HDGFL2: variants seen among roughly 807,000 people sequenced by gnomAD.
The protein encoded by HDGFL2 is hepatoma-derived growth factor-related protein 2.
HDGFL2 carries 36 observed loss-of-function variants against 77.1 expected under a neutral mutation model. That is an observed-to-expected ratio of 0.47 (90% confidence interval 0.36 to 0.62). The LOEUF (loss-of-function observed/expected upper bound fraction) is 0.62, where lower values mean the gene tolerates loss of function less well. Ranked by LOEUF, HDGFL2 falls within the 20% of genes least tolerant of loss-of-function variation. The pLI is 0.00. For synonymous variants in HDGFL2, 463 were observed against 413.1 expected (o/e 1.12, Z -1.46); for missense variants, 976 against 973.4 (o/e 1.00, Z -0.04).
intron 9 of HDGFL2, among the ~76,000 whole-genome samples, chr19:4,495,424 AGGGAGGGGATCTACGAAGACTCCT>A (rs1384119563): frequency 2.0e-5 from 3 of 150,340 alleles, no homozygotes; most frequent in Non-Finnish European, 3.0e-5. Context: ...CTCCGAATGA[AGGGAGGGGATCTACGAAGACTCCT>A]GGGAGGGGAT....
rs768083352 is a variant in HDGFL2, at chr19:4,494,207, G to T, written c.956G>T (p.Arg319Leu). 4 of 1,474,342 alleles carry T rather than the reference G, an allele frequency of 2.7e-6. No individual in the cohort carries two copies. The highest frequency in any genetic ancestry group is 1.4e-5 in the African/African-American group (1 of 69,016). 91.3% of individuals were successfully genotyped at this position (1,474,342 alleles called of 1,614,324 possible). ...EVDRISEWKR[R>L]DEARRRELEA... ...GACCGCATCAGTGAGTGGAAGCGGC[G>T]GGACGAGGCGCGGAGGCGCGAGCTG... The change falls in exon 9 of 16, where the codon CGG (arginine) becomes CTG (leucine). Residue 319 changes from arginine to leucine, a missense_variant. Arg to Leu is a moderately radical substitution (Grantham distance 102). This residue lies in a region of HDGFL2 where 567 missense variants were observed against 534.7 expected (regional missense o/e 1.06). Transcript: ENST00000616600.
At chr19:4,483,576 C>T (rs1030549057) in intron 3 of HDGFL2, among the ~76,000 whole-genome samples, 14 of 152,098 alleles carry the variant, frequency 9.2e-5, no homozygotes, top group Non-Finnish European at 1.6e-4. Flanking sequence ...CCCTCTTGCC[C>T]GGCCGCAACA....
intron 13 of HDGFL2, 143 bp from the exon 14 acceptor site, chr19:4,499,348 A>AT: frequency 1.4e-6 from 1 of 698,806 alleles, no homozygotes; most frequent in Non-Finnish European, 2.3e-6. Flanking sequence ...TCTGTCTCAA[A>AT]AAAAAAAAAA....
At chr19:4,488,031 C>T (rs576541048) in intron 3 of HDGFL2, among the ~76,000 whole-genome samples, 3 of 151,878 alleles carry the variant, frequency 2.0e-5, no homozygotes, top group South Asian at 2.1e-4. Flanking sequence ...AGTGCAGTGG[C>T]GTGATCTCGG....
chr19:4,494,804 C>G (rs769583213), intron 9 of HDGFL2, among the ~76,000 whole-genome samples: 22 of 152,092 alleles, frequency 1.4e-4, no homozygotes, highest in Non-Finnish European at 2.1e-4. Context: ...TGTATAGTCC[C>G]GGCTGCTCAG....
intron 14 of HDGFL2, among the ~76,000 whole-genome samples, chr19:4,499,955 C>T (rs1388529125): frequency 3.3e-5 from 5 of 152,150 alleles, no homozygotes; most frequent in African/African-American, 7.2e-5. Flanking sequence ...AGAGGGGTGA[C>T]GGGGACAGTG....
chr19:4,498,028 A>G lies in HDGFL2; in HGVS notation c.1399A>G (p.Lys467Glu). 6.4e-7 allele frequency: 1 copy of G among 1,554,846 alleles called. No individual in the cohort carries two copies. The highest frequency in any genetic ancestry group is 8.7e-7 in the Non-Finnish European group (1 of 1,148,722). ...FSMDRKVEKK[K>E]EPSVEEKLQK... ...GATGGACAGGAAGGTAGAGAAGAAG[A>G]AAGGTGAGGCCTGGCTGCCCAGCAC... Residue 467 changes from lysine to glutamate, a missense_variant, in exon 11 of 16, where the codon AAA (lysine) becomes GAA (glutamate). Lys to Glu is a moderately conservative substitution (Grantham distance 56). Transcript: ENST00000616600.
intron 1 of HDGFL2, among the ~76,000 whole-genome samples, chr19:4,474,526 C>T (rs1027122910): frequency 6.6e-6 from 1 of 151,992 alleles, no homozygotes; most frequent in African/African-American, 2.4e-5. Context: ...CCCCTAGAAG[C>T]TGGAGACGTG....
Position 4,496,333 on chromosome 19 carries a change from C to T in HDGFL2, c.1256C>T (p.Ser419Leu), listed in dbSNP as rs1242580817. The stretch of plus-strand genomic sequence containing the variant: ...AAATCAGCGAAGAAGCCGCAGTCCT[C>T]AAGCACAGAGCCCGCCAGGAAACCT... ...AKKSAKKPQS[S>L]STEPARKPGQ... The change falls in exon 10 of 16, where the codon TCA (serine) becomes TTA (leucine). Residue 419 changes from serine to leucine, a missense_variant. Coordinates refer to ENST00000616600, the MANE Select transcript of HDGFL2 (RefSeq NM_001001520.3). 1.2e-6 allele frequency: 2 copies of T among 1,614,166 alleles called. No individual in the cohort carries two copies. The highest frequency in any genetic ancestry group is 1.3e-5 in the African/African-American group (1 of 75,058).
At chr19:4,475,138 T>C in intron 1 of HDGFL2, 137 bp from the exon 2 acceptor site, 1 of 686,882 alleles carries the variant, frequency 1.5e-6, no homozygotes, top group South Asian at 1.7e-5. Context: ...CAGCTTCCCA[T>C]CGGGAAGGGG....
intron 3 of HDGFL2, among the ~76,000 whole-genome samples, chr19:4,483,593 C>T (rs1452613228): frequency 1.3e-5 from 2 of 152,072 alleles, no homozygotes; most frequent in East Asian, 3.9e-4. Flanking sequence ...AACACCCGGT[C>T]ACAAACGTGG....
intron 12 of HDGFL2, 150 bp from the exon 13 acceptor site, chr19:4,498,664 G>A (rs750665134): frequency 2.9e-5 from 18 of 629,586 alleles, no homozygotes; most frequent in Admixed American, 2.8e-5. Flanking sequence ...GGAGTTCCCC[G>A]TCAACTGGAC....
intron 9 of HDGFL2, 89 bp from the exon 10 acceptor site, chr19:4,496,213 G>T: frequency 1.9e-6 from 2 of 1,065,668 alleles, no homozygotes; most frequent in South Asian, 1.3e-5. Context: ...AGAAAGGGTC[G>T]AGCTGCATCT....
At position 4,472,395 on chromosome 19, in the gene HDGFL2, GA is replaced by G; in HGVS notation, c.47del (p.Lys16ArgfsTer18). On this transcript the variant is annotated frameshift_variant, in exon 1 of 16. Coordinates refer to ENST00000616600, the MANE Select transcript of HDGFL2 (RefSeq NM_001001520.3). LOFTEE classifies it high-confidence loss of function. ...CCGGGGACTTGGTGTTCGCTAAGAT[GA>G]AGGGCTACCCTCACTGGCCTGCCAG... is the stretch of plus-strand genomic sequence containing the variant. ...KPGDLVFAKM[K>X]GYPHWPARID... 6.8e-7 allele frequency: 1 copy of G among 1,464,082 alleles called. No homozygotes were observed. The highest frequency in any genetic ancestry group is 9.1e-7 in the Non-Finnish European group (1 of 1,101,518). 90.7% of individuals were successfully genotyped at this position (1,464,082 alleles called of 1,614,324 possible). A position where few individuals can be genotyped will look rare whatever the true frequency, so the allele number is the denominator to read the frequency against.
chr19:4,499,330 G>A (rs7248940), intron 13 of HDGFL2, among the ~76,000 whole-genome samples, 161 bp from the exon 14 acceptor site: 119,880 of 150,242 alleles, frequency 0.8, 48,628 homozygotes, highest in East Asian at 0.91. Flanking sequence ...TGGGTGACAG[G>A]GCGAGACTCT....
Position 4,496,307 on chromosome 19 carries a change from G to T in HDGFL2, c.1230G>T (p.Lys410Asn). Residue 410 changes from lysine to asparagine, a missense_variant, in exon 10 of 16, where the codon AAG (lysine) becomes AAT (asparagine). Lys to Asn is a moderately conservative substitution (Grantham distance 94, BLOSUM62 0). This residue lies in a region of HDGFL2 where 567 missense variants were observed against 534.7 expected (regional missense o/e 1.06). Transcript: ENST00000616600. ...GCCCTTCCTGACTGCTATAGGCCAA[G>T]AAATCAGCGAAGAAGCCGCAGTCCT... ...EPEAELEREA[K>N]KSAKKPQSSS... The T allele has an allele frequency of 6.2e-7, 1 of 1,614,070 alleles. No individual in the cohort carries two copies. The highest frequency in any genetic ancestry group is 8.5e-7 in the Non-Finnish European group (1 of 1,179,960).
At chr19:4,479,851 A>G (rs999086012) in intron 3 of HDGFL2, among the ~76,000 whole-genome samples, 1 of 149,766 alleles carries the variant, frequency 6.7e-6, no homozygotes, top group African/African-American at 2.5e-5. Context: ...AGTTGCAGTG[A>G]GCTGAGATGC....
intron 14 of HDGFL2, among the ~76,000 whole-genome samples, 164 bp from the exon 15 acceptor site, chr19:4,501,027 G>A (rs1490131305): frequency 1.3e-5 from 2 of 152,226 alleles, no homozygotes; most frequent in Non-Finnish European, 2.9e-5. Flanking sequence ...AGCATCCCAT[G>A]TCAGGAGCTT....
intron 11 of HDGFL2, 127 bp from the exon 12 acceptor site, chr19:4,498,179 G>T: frequency 8.7e-7 from 1 of 1,144,624 alleles, no homozygotes; most frequent in South Asian, 1.4e-5. Context: ...TCCAGGGGTG[G>T]GGGCTGAGCC....
Sources: allele counts gnomAD v4.1 joint callset (sites outside exome capture counted in the v4.1 genomes callset), GRCh38; gene constraint gnomAD v4.1.1; regional missense constraint gnomAD v4.1.1; transcripts MANE v1.5; gene names NCBI Gene and HGNC (gene_info 2026-07-23, HGNC 2026-07-21).